EDIL3: variants seen among roughly 807,000 people sequenced by gnomAD.
The protein encoded by EDIL3 is EGF like and discoidin domains 3.
EDIL3 carries 37 observed loss-of-function variants against 67.4 expected under a neutral mutation model. The ratio of observed to expected loss-of-function variants is 0.55; its 90% confidence interval spans 0.42 to 0.72. The LOEUF (loss-of-function observed/expected upper bound fraction) is 0.72. Among genes scored for constraint, EDIL3 ranks in the 30% least tolerant of loss-of-function variants. The probability of loss-of-function intolerance (pLI) is 0.00; values close to 1 mark genes in which losing one functional copy is unlikely to be tolerated. For missense variants in EDIL3, 527 were observed against 586.3 expected (o/e 0.90, Z 1.04); for synonymous variants, 195 against 196.3 (o/e 0.99, Z 0.05).
At chr5:84,258,263 G>C (rs970947162) in intron 1 of EDIL3, among the ~76,000 whole-genome samples, 15 of 152,272 alleles carry the variant, frequency 9.9e-5, no homozygotes, top group African/African-American at 3.6e-4. Context: ...GACAAAATGA[G>C]GAGGAAGCAG....
At chr5:84,243,120 CA>C (rs1402683439) in intron 2 of EDIL3, among the ~76,000 whole-genome samples, 1 of 151,784 alleles carries the variant, frequency 6.6e-6, no homozygotes, top group Admixed American at 6.6e-5. Flanking sequence ...AAAATACAGG[CA>C]AAATTAAAGG....
At chr5:84,218,150 C>T (rs1744269663) in intron 3 of EDIL3, among the ~76,000 whole-genome samples, 1 of 151,956 alleles carries the variant, frequency 6.6e-6, no homozygotes, top group African/African-American at 2.4e-5. Flanking sequence ...CACTTTTTTT[C>T]CCCCAAGCTT....
intron 1 of EDIL3, among the ~76,000 whole-genome samples, chr5:84,331,917 G>A (rs918218900): frequency 6.6e-6 from 1 of 152,062 alleles, no homozygotes; most frequent in African/African-American, 2.4e-5. Context: ...TGAATTATTC[G>A]TGCCTAGAGT....
At chr5:84,014,124 C>T (rs1050948722) in intron 9 of EDIL3, among the ~76,000 whole-genome samples, 13 of 152,058 alleles carry the variant, frequency 8.5e-5, no homozygotes, top group African/African-American at 3.1e-4. Flanking sequence ...CTTGACTCTC[C>T]TATGCTTAAC....
intron 9 of EDIL3, among the ~76,000 whole-genome samples, chr5:83,971,983 ATTGT>A (rs1262796262): frequency 6.6e-6 from 1 of 152,060 alleles, no homozygotes; most frequent in African/African-American, 2.4e-5. Context: ...CTGAACATCC[ATTGT>A]TTATTTCTCT....
chr5:84,220,263 C>G (rs373911209), intron 3 of EDIL3, among the ~76,000 whole-genome samples: 2 of 152,126 alleles, frequency 1.3e-5, no homozygotes, highest in African/African-American at 4.8e-5. Context: ...AAAATTAAAA[C>G]TTAAAAGAAA....
chr5:84,318,697 A>G (rs192903474), intron 1 of EDIL3, among the ~76,000 whole-genome samples: 29 of 152,346 alleles, frequency 1.9e-4, no homozygotes, highest in African/African-American at 7.0e-4. Context: ...CTAAAACCAT[A>G]AAAACCCTAG....
chr5:83,956,495 T>C (rs1744516073), intron 10 of EDIL3, among the ~76,000 whole-genome samples: 1 of 151,756 alleles, frequency 6.6e-6, no homozygotes. Context: ...TGCTGCTTTC[T>C]GAATTCAGTT....
intron 6 of EDIL3, among the ~76,000 whole-genome samples, chr5:84,079,008 G>T (rs2112255684): frequency 6.6e-6 from 1 of 152,260 alleles, no homozygotes; most frequent in South Asian, 2.1e-4. Flanking sequence ...GAGAGGGACT[G>T]AAGGTTGAGT....
chr5:84,203,154 T>C (rs1396568495), intron 3 of EDIL3, among the ~76,000 whole-genome samples: 1 of 152,146 alleles, frequency 6.6e-6, no homozygotes, highest in Admixed American at 6.5e-5. Context: ...ACTAACTAGA[T>C]TTATCATCTT....
intron 2 of EDIL3, among the ~76,000 whole-genome samples, chr5:84,237,148 G>T (rs1744697513): frequency 6.6e-6 from 1 of 151,992 alleles, no homozygotes; most frequent in African/African-American, 2.4e-5. Flanking sequence ...ATGTTCTATG[G>T]ATTTCTGCTT....
intron 4 of EDIL3, among the ~76,000 whole-genome samples, chr5:84,146,451 T>A (rs1748290815): frequency 6.6e-6 from 1 of 152,128 alleles, no homozygotes. Flanking sequence ...TATTATTTTA[T>A]GTGCTAAGAA....
At chr5:84,073,448 C>T (rs914018079) in intron 6 of EDIL3, among the ~76,000 whole-genome samples, 3 of 151,588 alleles carry the variant, frequency 2.0e-5, no homozygotes, top group Non-Finnish European at 2.9e-5. Context: ...CTAGAAAACC[C>T]CATTGTCTCA....
At chr5:84,156,021 G>A (rs1055873103) in intron 4 of EDIL3, among the ~76,000 whole-genome samples, 9 of 152,138 alleles carry the variant, frequency 5.9e-5, no homozygotes, top group East Asian at 3.9e-4. Flanking sequence ...TGTCCTGTAC[G>A]GAGGACTGAC....
intron 4 of EDIL3, among the ~76,000 whole-genome samples, chr5:84,169,509 G>A (rs936609545): frequency 7.9e-5 from 12 of 151,734 alleles, no homozygotes; most frequent in Admixed American, 5.9e-4. Context: ...CAAACACAAG[G>A]ACACCTCATG....
intron 1 of EDIL3, among the ~76,000 whole-genome samples, chr5:84,306,752 C>T (rs769365661): frequency 1.4e-4 from 22 of 152,290 alleles, no homozygotes; most frequent in Admixed American, 2.6e-4. Context: ...AAGTCATTTC[C>T]TAAGATGATT....
intron 5 of EDIL3, among the ~76,000 whole-genome samples, chr5:84,133,258 A>T (rs1266320964): frequency 2.0e-5 from 3 of 152,050 alleles, no homozygotes; most frequent in Non-Finnish European, 4.4e-5. Flanking sequence ...TAGTTTTCTC[A>T]TTCCAATTCA....
At chr5:83,948,442 A>C (rs912455883) in intron 10 of EDIL3, among the ~76,000 whole-genome samples, 1 of 151,760 alleles carries the variant, frequency 6.6e-6, no homozygotes, top group Non-Finnish European at 1.5e-5. Flanking sequence ...ATTAGTATGC[A>C]TGAATCACGT....
In EDIL3 at chr5:84,104,378, TAAAA is replaced by T. The variant is rs538896719; in HGVS notation, c.651+2267_651+2270del. Among the ~76,000 whole-genome samples, 546 of 149,680 alleles carry T rather than the reference TAAAA, an allele frequency of 3.6e-3. 4 individuals carry two copies. The highest frequency in any genetic ancestry group is 0.013 in the African/African-American group (525 of 40,732). On this transcript the variant is annotated intron_variant, in intron 6 of 10. Coordinates refer to ENST00000296591, the MANE Select transcript of EDIL3 (RefSeq NM_005711.5). Reference sequence around the variant, plus strand: ...AAACCTGCACATGTACCCCTGAACCTAAAATAAAAGTTTCAAAAAAAAAAAGAAA... The same window carrying T: ...AAACCTGCACATGTACCCCTGAACCTTAAAAGTTTCAAAAAAAAAAAGAAA...
Sources: allele counts gnomAD v4.1 joint callset (sites outside exome capture counted in the v4.1 genomes callset), GRCh38; gene constraint gnomAD v4.1.1; transcripts MANE v1.5; gene names NCBI Gene and HGNC (gene_info 2026-07-23, HGNC 2026-07-21).